MAGI2: variants seen among roughly 807,000 people sequenced by gnomAD.
MAGI2 encodes membrane-associated guanylate kinase, WW and PDZ domain-containing protein 2.
A neutral mutation model predicts 133.3 loss-of-function variants in MAGI2; 35 were observed. That is an observed-to-expected ratio of 0.26 (90% CI 0.20 to 0.35). The LOEUF (loss-of-function observed/expected upper bound fraction) is 0.35. Ranked by LOEUF, MAGI2 falls within the 10% of genes least tolerant of loss-of-function variation. The probability of loss-of-function intolerance (pLI) is 1.00; values close to 1 mark genes in which losing one functional copy is unlikely to be tolerated. For missense variants in MAGI2, 1,636 were observed against 1,863.4 expected (o/e 0.88, Z 2.25); for synonymous variants, 729 against 710.6 (o/e 1.03, Z -0.41).
At chr7:78,643,113 C>T (rs1301926060) in intron 2 of MAGI2, among the ~76,000 whole-genome samples, 1 of 152,174 alleles carries the variant, frequency 6.6e-6, no homozygotes, top group African/African-American at 2.4e-5. Context: ...CAAAATAACA[C>T]AAGTACCTCT....
intron 1 of MAGI2, among the ~76,000 whole-genome samples, chr7:79,053,857 A>C (rs951621327): frequency 6.6e-6 from 1 of 152,210 alleles, no homozygotes; most frequent in Non-Finnish European, 1.5e-5. Context: ...AGAACAAAGA[A>C]GCATGACTAA....
At chr7:78,264,408 G>A (rs1390289183) in intron 9 of MAGI2, among the ~76,000 whole-genome samples, 2 of 152,126 alleles carry the variant, frequency 1.3e-5, no homozygotes, top group African/African-American at 4.8e-5. Context: ...TCAGAATGCT[G>A]GGTAAAATAT....
At chr7:79,100,685 AC>A (rs1234962454) in intron 1 of MAGI2, among the ~76,000 whole-genome samples, 2 of 151,706 alleles carry the variant, frequency 1.3e-5, no homozygotes, top group East Asian at 3.9e-4. Flanking sequence ...TTGTAAGTTT[AC>A]TTTTCTTTGT....
At chr7:78,583,853 C>T (rs1803108864) in intron 3 of MAGI2, among the ~76,000 whole-genome samples, 1 of 152,182 alleles carries the variant, frequency 6.6e-6, no homozygotes, top group East Asian at 1.9e-4. Context: ...AGTTTCATTT[C>T]TCTTGTCTAT....
intron 9 of MAGI2, among the ~76,000 whole-genome samples, chr7:78,285,283 T>C (rs1369988889): frequency 1.3e-5 from 2 of 152,176 alleles, no homozygotes; most frequent in Non-Finnish European, 2.9e-5. Context: ...TTTGTATCCT[T>C]AGATTTTTGG....
At chr7:79,075,519 G>A (rs1026351527) in intron 1 of MAGI2, among the ~76,000 whole-genome samples, 1 of 152,152 alleles carries the variant, frequency 6.6e-6, no homozygotes, top group African/African-American at 2.4e-5. Flanking sequence ...CCAACACTTT[G>A]GGAGGCTGAT....
At chr7:79,066,222 A>G (rs1814309648) in intron 1 of MAGI2, among the ~76,000 whole-genome samples, 1 of 149,852 alleles carries the variant, frequency 6.7e-6, no homozygotes, top group African/African-American at 2.5e-5. Context: ...TCCAGCATCT[A>G]TTGTTTCCTG....
At chr7:78,234,795 T>C (rs1350601820) in intron 10 of MAGI2, among the ~76,000 whole-genome samples, 2 of 152,134 alleles carry the variant, frequency 1.3e-5, no homozygotes, top group Non-Finnish European at 2.9e-5. Flanking sequence ...AGATTTTCAG[T>C]TCACCATCTG....
chr7:78,209,170 T>A (rs112485412), intron 10 of MAGI2, among the ~76,000 whole-genome samples: 2 of 33,130 alleles, frequency 6.0e-5, no homozygotes, highest in Non-Finnish European at 1.3e-4. Context: ...TGCAGTGAGC[T>A]GAGATCGCGC....
intron 2 of MAGI2, among the ~76,000 whole-genome samples, chr7:78,922,942 A>G (rs2151638362): frequency 6.6e-6 from 1 of 152,178 alleles, no homozygotes. Flanking sequence ...TCTGATGGCC[A>G]GTGATGATGA....
At chr7:78,130,650 G>C (rs986880) in intron 18 of MAGI2, among the ~76,000 whole-genome samples, 130,401 of 152,246 alleles carry the variant, frequency 0.86, 56,242 homozygotes, top group African/African-American at 0.91. Flanking sequence ...AACCCGAGTG[G>C]CAGTAAAGGG....
intron 1 of MAGI2, among the ~76,000 whole-genome samples, chr7:79,426,701 A>G (rs1404354996): frequency 3.3e-5 from 5 of 152,152 alleles, no homozygotes; most frequent in Non-Finnish European, 4.4e-5. Flanking sequence ...TGAACTTTTT[A>G]CACTTTAGTT....
chr7:79,313,345 G>C (rs1341562083), intron 1 of MAGI2, among the ~76,000 whole-genome samples: 1 of 152,082 alleles, frequency 6.6e-6, no homozygotes, highest in Non-Finnish European at 1.5e-5. Flanking sequence ...CTCTCTCCTT[G>C]TTCACAGCTA....
chr7:78,992,889 G>A (rs192187745), intron 2 of MAGI2, among the ~76,000 whole-genome samples: 23 of 152,038 alleles, frequency 1.5e-4, no homozygotes, highest in African/African-American at 5.5e-4. Flanking sequence ...TTTCTATAGT[G>A]CTTCAAATAA....
At chr7:78,341,465 C>T (rs117499799) in intron 9 of MAGI2, among the ~76,000 whole-genome samples, 5,582 of 152,092 alleles carry the variant, frequency 0.037, 157 homozygotes, top group South Asian at 0.13. Flanking sequence ...CCACCATAAA[C>T]TTTATATGGA....
chr7:78,290,580 G>A (rs1215338950), intron 9 of MAGI2, among the ~76,000 whole-genome samples: 1 of 152,142 alleles, frequency 6.6e-6, no homozygotes, highest in Admixed American at 6.6e-5. Flanking sequence ...ACTCAGCTCT[G>A]CACCAAGCAG....
chr7:78,019,490 C>T lies in MAGI2; in HGVS notation c.4193G>A (p.Gly1398Asp), dbSNP rs1808082287. ...AFAGPGGGGSGALEAEGRAGA... is the reference protein window; with the variant it reads ...AFAGPGGGGSDALEAEGRAGA... ...CGCCCTGCCCTCGGCCTCCAGCGCG[C>T]CGCTGCCGCCGCCGCCCGGGCCGGC... Residue 1398 changes from glycine (G) to aspartate (D), a missense_variant, in exon 22 of 22, where the codon GGC becomes GAC. Gly to Asp is a moderately conservative substitution (Grantham distance 94). Coordinates refer to ENST00000354212, the MANE Select transcript of MAGI2 (RefSeq NM_012301.4). The T allele has an allele frequency of 4.1e-5, 40 of 980,260 alleles. No individual in the cohort carries two copies. Among genetic ancestry groups the T allele is most frequent in the Non-Finnish European group, 4.6e-5 (38 of 828,152 alleles). 60.7% of individuals were successfully genotyped at this position (980,260 alleles called of 1,614,324 possible). A position where few individuals can be genotyped will look rare whatever the true frequency, so the allele number is the denominator to read the frequency against.
intron 1 of MAGI2, among the ~76,000 whole-genome samples, chr7:79,221,095 C>T (rs1830415927): frequency 2.0e-5 from 3 of 151,888 alleles, no homozygotes; most frequent in South Asian, 4.2e-4. Context: ...GTGGAATTTT[C>T]CCCCTCATTC....
Position 79,453,466 on chromosome 7 carries a change from T to C in MAGI2, c.-146A>G. 2 of 1,461,030 alleles carry C rather than the reference T, an allele frequency of 1.4e-6. No individual in the cohort carries two copies. Among genetic ancestry groups the C allele is most frequent in the Non-Finnish European group, 9.0e-7 (1 of 1,113,550 alleles). 90.5% of individuals were successfully genotyped at this position (1,461,030 alleles called of 1,614,324 possible). On this transcript the variant is annotated 5_prime_UTR_variant, in exon 1 of 22. Transcript: ENST00000354212. ...CCCCCTCTATTCGGTGCTTTCCCTC[T>C]TCTTTGGATGGAGTGTGGACGAGGA...
Sources: gnomAD v4.1 joint callset for allele counts (sites outside exome capture counted in the v4.1 genomes callset) on GRCh38, gnomAD v4.1.1 for gene constraint, MANE v1.5 for transcripts, NCBI Gene and HGNC (gene_info 2026-07-23, HGNC 2026-07-21) for gene names.